The following GLIS3 variants were observed in gnomAD, a reference collection of about 807,000 sequenced individuals.
The protein encoded by GLIS3 is zinc finger protein GLIS3.
A neutral mutation model predicts 78.6 loss-of-function variants in GLIS3; 53 were observed. The ratio of observed to expected loss-of-function variants is 0.67; its 90% CI spans 0.54 to 0.85. The LOEUF is 0.85. GLIS3 is among the 40% of genes least tolerant of loss of function. The probability of loss-of-function intolerance (pLI) is 0.00; values close to 1 mark genes in which losing one functional copy is unlikely to be tolerated. For synonymous variants in GLIS3, 684 were observed against 509.9 expected (o/e 1.34, Z -4.60); for missense variants, 1,703 against 1,231.1 (o/e 1.38, Z -5.74).
At position 3,960,510 on chromosome 9, in the gene GLIS3, C is replaced by T. The variant is rs1354025202; in HGVS notation, c.1711-23321G>A. ...CTATACCTATCCATTAGAATGCAGTCTCCATGCAGGCAGGGGTCTTCTCTT... is the reference window on the plus strand; with the variant it reads ...CTATACCTATCCATTAGAATGCAGTTTCCATGCAGGCAGGGGTCTTCTCTT... On this transcript the variant is annotated intron_variant, in intron 4 of 10. Transcript: ENST00000381971. Among the ~76,000 whole-genome samples, 5 of 152,166 alleles carry T rather than the reference C, an allele frequency of 3.3e-5. No individual in the cohort carries two copies. In the East Asian group the frequency reaches 9.6e-4, roughly 29 times the overall value.
rs758997290 is a variant in GLIS3 at position 3,895,055 on chromosome 9, A to C, written c.2128+3636T>G. Among the ~76,000 whole-genome samples the C allele has an allele frequency of 1.6e-3, 249 of 152,358 alleles. 1 individual carries two copies. Among genetic ancestry groups the C allele is most frequent in the Non-Finnish European group, 2.6e-3 (178 of 68,036 alleles). On this transcript the variant is annotated intron_variant, in intron 7 of 10. Transcript: ENST00000381971. ...TCATTCATGGGACAGATCATCTTCC[A>C]TACAGCATTCACTGTTAATAAATGG...
chr9:4,378,003 A>C, the GLIS3 span, among the ~76,000 whole-genome samples: 1 of 152,190 alleles, frequency 6.6e-6, no homozygotes, highest in Non-Finnish European at 1.5e-5. Context: ...AGCCAGTAAA[A>C]CTTATGTGTA....
intron 1 of GLIS3, among the ~76,000 whole-genome samples, chr9:4,289,881 G>A (rs1043745017): frequency 6.6e-6 from 1 of 152,138 alleles, no homozygotes; most frequent in South Asian, 2.1e-4. Context: ...AATCAGGTCA[G>A]AGAGGAAATT....
chr9:4,210,456 A>C (rs560756470), intron 2 of GLIS3, among the ~76,000 whole-genome samples: 3 of 152,364 alleles, frequency 2.0e-5, no homozygotes, highest in African/African-American at 7.2e-5. Context: ...GCTGTGCAAC[A>C]TGCTCTGAAT....
intron 2 of GLIS3, among the ~76,000 whole-genome samples, chr9:4,191,057 T>G (rs200876840): frequency 5.3e-5 from 8 of 151,638 alleles, no homozygotes; most frequent in Admixed American, 2.6e-4. Context: ...AAGGAACAAC[T>G]GGTACCAGCC....
At chr9:4,210,521 A>G (rs1056821048) in intron 2 of GLIS3, among the ~76,000 whole-genome samples, 5 of 152,240 alleles carry the variant, frequency 3.3e-5, no homozygotes, top group African/African-American at 4.8e-5. Context: ...CCAGCAAGCT[A>G]TTTATGACTG....
chr9:4,259,757 A>T (rs983740039), intron 2 of GLIS3, among the ~76,000 whole-genome samples: 2 of 152,156 alleles, frequency 1.3e-5, no homozygotes, highest in Non-Finnish European at 2.9e-5. Context: ...CCCTCTTGTC[A>T]CTGTGACATG....
At chr9:3,979,988 G>A (rs540617654) in intron 4 of GLIS3, among the ~76,000 whole-genome samples, 3 of 152,204 alleles carry the variant, frequency 2.0e-5, no homozygotes, top group African/African-American at 7.2e-5. Context: ...CAAAAGAGAG[G>A]GTGGGGTGGA....
intron 4 of GLIS3, among the ~76,000 whole-genome samples, chr9:4,112,141 T>C (rs1432230464): frequency 6.6e-6 from 1 of 152,156 alleles, no homozygotes; most frequent in Admixed American, 6.5e-5. Flanking sequence ...GTGGCAACAA[T>C]GTATACATGG....
At chr9:3,882,667 A>G (rs1405294277) in intron 7 of GLIS3, among the ~76,000 whole-genome samples, 1 of 152,222 alleles carries the variant, frequency 6.6e-6, no homozygotes. Context: ...GCCCACATCC[A>G]TAGCCCTTCC....
upstream of GLIS3, among the ~76,000 whole-genome samples, chr9:4,351,693 C>T (rs1476837916): frequency 1.3e-5 from 2 of 152,012 alleles, no homozygotes; most frequent in Non-Finnish European, 2.9e-5. Flanking sequence ...TGTTGTTTTT[C>T]CTTGAACTAG....
At chr9:4,155,680 A>T (rs1490501690) in intron 2 of GLIS3, among the ~76,000 whole-genome samples, 1 of 152,282 alleles carries the variant, frequency 6.6e-6, no homozygotes, top group South Asian at 2.1e-4. Flanking sequence ...TGGAGAACCC[A>T]TAAGTCGAGC....
chr9:4,464,343 T>C, the GLIS3 span, among the ~76,000 whole-genome samples: 73 of 151,828 alleles, frequency 4.8e-4, no homozygotes, highest in East Asian at 0.011. Context: ...CAATTTGTGA[T>C]AGTAATATTT....
intron 4 of GLIS3, among the ~76,000 whole-genome samples, chr9:4,088,998 T>C (rs2130740523): frequency 6.6e-6 from 1 of 152,370 alleles, no homozygotes; most frequent in African/African-American, 2.4e-5. Flanking sequence ...GAAACATCTA[T>C]ATCCATGAGC....
chr9:4,425,298 T>G, the GLIS3 span, among the ~76,000 whole-genome samples: 1 of 152,182 alleles, frequency 6.6e-6, no homozygotes, highest in Admixed American at 6.5e-5. Context: ...ACAAGACTGT[T>G]TCCCTTTATC....
rs1382497393 is a variant in GLIS3 at position 3,837,130 on chromosome 9, A to G, written c.2474-7638T>C. ...TGTCACATCCATTGTAACCAAAGGC[A>G]CTGACCTACGACAGGTCTGAAAAGG... On this transcript the variant is annotated intron_variant, in intron 9 of 10. Transcript: ENST00000381971. Among the ~76,000 whole-genome samples the G allele has an allele frequency of 3.3e-5, 5 of 152,314 alleles. No homozygotes were observed. The East Asian group carries it at 5.8e-4, about 18-fold the overall frequency.
At chr9:4,437,003 G>C in the GLIS3 span, among the ~76,000 whole-genome samples, 23 of 152,054 alleles carry the variant, frequency 1.5e-4, 1 homozygote, top group Non-Finnish European at 2.5e-4. Flanking sequence ...AGCTGCAGTA[G>C]AAGTATAGAG....
intron 2 of GLIS3, among the ~76,000 whole-genome samples, chr9:4,272,847 C>G (rs1236647476): frequency 1.3e-5 from 2 of 152,192 alleles, no homozygotes; most frequent in Non-Finnish European, 2.9e-5. Context: ...CATTCTGGTT[C>G]AGCCAGGATA....
At chr9:4,259,843 A>C (rs999390628) in intron 2 of GLIS3, among the ~76,000 whole-genome samples, 1 of 152,198 alleles carries the variant, frequency 6.6e-6, no homozygotes, top group Non-Finnish European at 1.5e-5. Flanking sequence ...AAAAAAAAGT[A>C]AATCTCCTTC....
Sources: gnomAD v4.1 joint callset for allele counts (sites outside exome capture counted in the v4.1 genomes callset) on GRCh38, gnomAD v4.1.1 for gene constraint, MANE v1.5 for transcripts, NCBI Gene and HGNC (gene_info 2026-07-23, HGNC 2026-07-21) for gene names.